The following SGCZ variants were observed in gnomAD, a reference collection of about 807,000 sequenced individuals.
SGCZ encodes the protein zeta-sarcoglycan.
A neutral mutation model predicts 41.3 loss-of-function variants in SGCZ; 40 were observed. That is an observed-to-expected ratio of 0.97 (90% CI 0.75 to 1.26). The LOEUF is 1.26. SGCZ is among the 50% of genes most tolerant of loss of function. SGCZ has a pLI of 0.00. For missense variants in SGCZ, 552 were observed against 369.8 expected, an observed-to-expected ratio of 1.49 and a Z score of -4.04; for synonymous variants, 206 against 137.5, an observed-to-expected ratio of 1.50 and a Z score of -3.49.
intron 1 of SGCZ, among the ~76,000 whole-genome samples, chr8:14,618,699 G>A (rs1049687537): frequency 6.6e-6 from 1 of 152,140 alleles, no homozygotes; most frequent in Non-Finnish European, 1.5e-5. Flanking sequence ...GAATAAATAA[G>A]AGTCTGTTAA....
intron 3 of SGCZ, among the ~76,000 whole-genome samples, chr8:14,321,627 G>T (rs1801921364): frequency 2.0e-5 from 3 of 152,078 alleles, no homozygotes. Context: ...ATTAATAGAG[G>T]TTAAACATAC....
intron 2 of SGCZ, among the ~76,000 whole-genome samples, chr8:14,551,050 T>G (rs1391131237): frequency 1.3e-5 from 2 of 151,798 alleles, no homozygotes; most frequent in African/African-American, 4.8e-5. Context: ...TGACTTCTCT[T>G]TAACTCACAG....
At chr8:14,782,175 A>T (rs1279015285) in intron 1 of SGCZ, among the ~76,000 whole-genome samples, 1 of 152,216 alleles carries the variant, frequency 6.6e-6, no homozygotes, top group Non-Finnish European at 1.5e-5. Context: ...GCTGTCAGAA[A>T]CAAACTTTTG....
At chr8:14,281,150 T>C (rs1032725370) in intron 3 of SGCZ, among the ~76,000 whole-genome samples, 1 of 151,786 alleles carries the variant, frequency 6.6e-6, no homozygotes. Flanking sequence ...TTTAAAAAAA[T>C]GAATGAATTC....
rs1223482233 is a variant in SGCZ at position 14,086,272 on chromosome 8, T to A, written c.*4171A>T. ...AAATACTTTCAATGATTTTAATAAT[T>A]TAACATTATTATGTTGACATTCTCT... is the stretch of plus-strand genomic sequence containing the variant. On this transcript the variant is annotated 3_prime_UTR_variant, in exon 8 of 8. Transcript: ENST00000382080. 2.0e-5 allele frequency among the ~76,000 whole-genome samples: 3 copies of A among 151,738 alleles called. No homozygotes were observed. In the East Asian group the frequency reaches 5.8e-4, roughly 29 times the overall value.
intron 1 of SGCZ, among the ~76,000 whole-genome samples, chr8:14,633,431 A>G (rs2089449024): frequency 6.6e-6 from 1 of 152,036 alleles, no homozygotes; most frequent in Non-Finnish European, 1.5e-5. Flanking sequence ...GTAACCTATT[A>G]CTTAACATAT....
chr8:15,204,447 A>G (rs1041894255), intron 1 of SGCZ, among the ~76,000 whole-genome samples: 10 of 152,180 alleles, frequency 6.6e-5, no homozygotes, highest in African/African-American at 9.6e-5. Flanking sequence ...TCACCCACCC[A>G]CCAATAAAAC....
At chr8:15,226,428 C>G (rs980730277) in intron 1 of SGCZ, among the ~76,000 whole-genome samples, 2 of 152,156 alleles carry the variant, frequency 1.3e-5, no homozygotes, top group African/African-American at 4.8e-5. Flanking sequence ...ATTATTATCT[C>G]CAAATAATCT....
chr8:14,960,478 C>T (rs557468877), intron 1 of SGCZ, among the ~76,000 whole-genome samples: 4 of 152,126 alleles, frequency 2.6e-5, no homozygotes, highest in East Asian at 1.9e-4. Context: ...GCTAGAGGTA[C>T]CACAAAGTAC....
intron 2 of SGCZ, among the ~76,000 whole-genome samples, chr8:14,368,055 G>A (rs374039448): frequency 1.3e-5 from 2 of 151,906 alleles, no homozygotes; most frequent in African/African-American, 4.8e-5. Flanking sequence ...TAATTGTCAA[G>A]GTATTTAAAT....
chr8:14,814,690 A>G (rs547123007), intron 1 of SGCZ, among the ~76,000 whole-genome samples: 1 of 152,274 alleles, frequency 6.6e-6, no homozygotes, highest in East Asian at 1.9e-4. Context: ...AGGAACTTGG[A>G]GAATTTTTTG....
At chr8:14,800,190 G>A (rs1474201397) in intron 1 of SGCZ, among the ~76,000 whole-genome samples, 1 of 151,886 alleles carries the variant, frequency 6.6e-6, no homozygotes, top group African/African-American at 2.4e-5. Context: ...AATGTTACCT[G>A]GTCATTTGGA....
chr8:14,256,013 T>C lies in SGCZ; in HGVS notation c.337-18334A>G, dbSNP rs1376397851. Among the ~76,000 whole-genome samples the C allele has an allele frequency of 2.6e-5, 4 of 152,162 alleles. No homozygotes were observed. In the East Asian group the frequency reaches 7.7e-4, roughly 29 times the overall value. ...ATTACATCTCTCACTTCGAGGAACA[T>C]GCCTAAAAACTTTTTAGTAAAACTA... On this transcript the variant is annotated intron_variant, in intron 3 of 7. Transcript: ENST00000382080.
intron 1 of SGCZ, among the ~76,000 whole-genome samples, chr8:14,828,954 CT>C (rs200359290): frequency 5.7e-4 from 86 of 151,306 alleles, no homozygotes; most frequent in Non-Finnish European, 1.6e-4. Flanking sequence ...CTTTGGAGTC[CT>C]TTTTTTTGTT....
At chr8:14,695,858 G>A (rs963465457) in intron 1 of SGCZ, among the ~76,000 whole-genome samples, 3 of 151,984 alleles carry the variant, frequency 2.0e-5, no homozygotes, top group African/African-American at 7.2e-5. Context: ...CAAAGGCATT[G>A]CTAGATCAAT....
At chr8:14,136,292 G>A (rs938245037) in intron 5 of SGCZ, among the ~76,000 whole-genome samples, 3 of 152,106 alleles carry the variant, frequency 2.0e-5, no homozygotes, top group East Asian at 1.9e-4. Flanking sequence ...AATCTCACTG[G>A]GACTGCGTGG....
intron 1 of SGCZ, among the ~76,000 whole-genome samples, chr8:14,910,125 T>C (rs1799239559): frequency 6.6e-6 from 1 of 152,128 alleles, no homozygotes; most frequent in Non-Finnish European, 1.5e-5. Flanking sequence ...TGTTGCATTC[T>C]ATAAAACTTA....
At chr8:14,277,742 T>C (rs1180011958) in intron 3 of SGCZ, among the ~76,000 whole-genome samples, 1 of 152,164 alleles carries the variant, frequency 6.6e-6, no homozygotes, top group Non-Finnish European at 1.5e-5. Flanking sequence ...TTCTCTTGTT[T>C]CTTCACCCAC....
intron 1 of SGCZ, among the ~76,000 whole-genome samples, chr8:14,763,580 A>T (rs1351030634): frequency 3.9e-5 from 6 of 152,150 alleles, no homozygotes; most frequent in Non-Finnish European, 1.5e-5. Flanking sequence ...TTGAAAAATA[A>T]TCTCGAACTC....
Sources: gnomAD v4.1 joint callset for allele counts (sites outside exome capture counted in the v4.1 genomes callset) on GRCh38, gnomAD v4.1.1 for gene constraint, MANE v1.5 for transcripts, NCBI Gene and HGNC (gene_info 2026-07-23, HGNC 2026-07-21) for gene names.